The following CAND1 variants were observed in gnomAD, a reference collection of about 807,000 sequenced individuals.
The protein encoded by CAND1 is cullin-associated NEDD8-dissociated protein 1.
CAND1 carries 7 observed loss-of-function variants against 108.5 expected under a neutral mutation model. That is an observed-to-expected ratio of 0.06 (90% CI 0.04 to 0.12). CAND1 has a LOEUF of 0.12. Among genes scored for constraint, CAND1 ranks in the 10% least tolerant of loss-of-function variants. CAND1 has a pLI of 1.00. For synonymous variants in CAND1, 534 were observed against 512.0 expected, an observed-to-expected ratio of 1.04 and a Z score of -0.58; for missense variants, 941 against 1,448.7, an observed-to-expected ratio of 0.65 and a Z score of 5.69.
At chr12:67,281,421 T>C (rs886198139) in intron 1 of CAND1, among the ~76,000 whole-genome samples, 1 of 152,186 alleles carries the variant, frequency 6.6e-6, no homozygotes, top group Non-Finnish European at 1.5e-5. Context: ...TCCCCTGCAA[T>C]GCAACGTACT....
At position 67,316,968 on chromosome 12, in the gene CAND1, G is replaced by C; in HGVS notation, c.*4138G>C. 1 of 152,162 alleles carries C rather than the reference G, an allele frequency of 6.6e-6. No individual in the cohort carries two copies. Among genetic ancestry groups the C allele is most frequent in the Non-Finnish European group, 1.5e-5 (1 of 68,058 alleles). The allele number at this position is 152,162 out of a possible 1,614,324, so 9.4% of individuals were successfully genotyped here. A position where few individuals can be genotyped will look rare whatever the true frequency, so the allele number is the denominator to read the frequency against. On this transcript the variant is annotated 3_prime_UTR_variant, in exon 15 of 15. Coordinates refer to ENST00000545606, the MANE Select transcript of CAND1 (RefSeq NM_018448.5). ...TTGGAGACCAGCTCTAGGCAACATA[G>C]TGAGACCCTGTCTCTACCAAAAAGA...
chr12:67,302,680 A>G (rs1222311753), intron 8 of CAND1, 65 bp downstream of exon 8: 4 of 1,434,806 alleles, frequency 2.8e-6, no homozygotes, highest in Admixed American at 3.9e-5. Context: ...AATTGTCTTT[A>G]TATGGAAAGG....
intron 1 of CAND1, chr12:67,270,048 A>C: frequency 2.1e-4 from 91 of 433,016 alleles, no homozygotes; most frequent in East Asian, 5.5e-4. Flanking sequence ...GCGCCCCCAC[A>C]TCCTTCCCTG....
At position 67,273,951 on chromosome 12, in the gene CAND1, C is replaced by T. The variant is rs1252409; in HGVS notation, c.68+4166C>T. ...TAGTAAAAGAGGATAATAATAATCTCGTTTACAGTTGAAGAAACTGAGATT... is the reference window on the plus strand; with the variant it reads ...TAGTAAAAGAGGATAATAATAATCTTGTTTACAGTTGAAGAAACTGAGATT... On this transcript the variant is annotated intron_variant, in intron 1 of 14. Transcript: ENST00000545606. Among the ~76,000 whole-genome samples, 1,032 of 152,152 alleles carry T rather than the reference C, an allele frequency of 6.8e-3. 7 individuals carry two copies. Among genetic ancestry groups the T allele is most frequent in the African/African-American group, 0.024 (976 of 41,468 alleles).
rs1040332498 is a variant in CAND1 at position 67,286,299 on chromosome 12, C to T, written c.212+4246C>T. Among the ~76,000 whole-genome samples, 15 of 152,266 alleles carry T rather than the reference C, an allele frequency of 9.9e-5. No individual in the cohort carries two copies. In the South Asian group the frequency reaches 2.5e-3, roughly 25 times the overall value. ...TGCTGGGATTACAGGCTTGAGCCAC[C>T]GCGCCCTGCCGTCTTTATTTTTCAC... On this transcript the variant is annotated intron_variant, in intron 2 of 14. Transcript: ENST00000545606.
intron 2 of CAND1, among the ~76,000 whole-genome samples, chr12:67,285,373 A>G (rs1470868855): frequency 1.3e-5 from 2 of 152,214 alleles, no homozygotes; most frequent in African/African-American, 4.8e-5. Context: ...TTTATGCTAA[A>G]CTAATTATAA....
intron 1 of CAND1, among the ~76,000 whole-genome samples, chr12:67,274,608 T>G (rs1364868607): frequency 6.6e-6 from 1 of 152,190 alleles, no homozygotes; most frequent in African/African-American, 2.4e-5. Context: ...TTCCATTATA[T>G]AGGGATTTTA....
chr12:67,289,016 A>G (rs1592610931), intron 2 of CAND1, among the ~76,000 whole-genome samples: 1 of 152,306 alleles, frequency 6.6e-6, no homozygotes, highest in African/African-American at 2.4e-5. Flanking sequence ...TGTTAGTAAT[A>G]TAGCCACTCC....
At chr12:67,304,574 G>T in intron 8 of CAND1, 31 bp from the exon 9 acceptor site, 1 of 1,606,120 alleles carries the variant, frequency 6.2e-7, no homozygotes, top group South Asian at 1.1e-5. Context: ...ACCAACAGCT[G>T]AACCAGCTAA....
At chr12:67,285,250 A>G (rs564131264) in intron 2 of CAND1, among the ~76,000 whole-genome samples, 51 of 152,302 alleles carry the variant, frequency 3.3e-4, no homozygotes, top group African/African-American at 1.2e-3. Context: ...ATGGGAGAAA[A>G]ATTTTAAAAT....
Position 67,314,203 on chromosome 12 carries a change from T to TGCTTACAAATATCTGAG in CAND1, c.*1373_*1374insGCTTACAAATATCTGAG, listed in dbSNP as rs1592629165. On this transcript the variant is annotated 3_prime_UTR_variant, in exon 15 of 15. Transcript: ENST00000545606. ...GCAGTTGTTAAATTGAGTGACCAAT[T>TGCTTACAAATATCTGAG]TAAGCAATCAGATATTTGAAAACTG... 3 of 152,290 alleles carry TGCTTACAAATATCTGAG rather than the reference T, an allele frequency of 2.0e-5. No homozygotes were observed. In the East Asian group the frequency reaches 5.8e-4, roughly 29 times the overall value. The allele number at this position is 152,290 out of a possible 1,614,324, so 9.4% of individuals were successfully genotyped here.
intron 1 of CAND1, among the ~76,000 whole-genome samples, chr12:67,275,529 G>GAA (rs139364600): frequency 1.5e-5 from 2 of 131,392 alleles, no homozygotes; most frequent in Non-Finnish European, 3.3e-5. Context: ...GTCTCAAAAA[G>GAA]AAAAAAAAAA....
chr12:67,276,269 T>C (rs1166900533), intron 1 of CAND1, among the ~76,000 whole-genome samples: 1 of 152,228 alleles, frequency 6.6e-6, no homozygotes, highest in Non-Finnish European at 1.5e-5. Flanking sequence ...CCCAACAGTC[T>C]CCCTAGTCTC....
At chr12:67,291,012 C>T (rs2044717264) in intron 2 of CAND1, among the ~76,000 whole-genome samples, 1 of 152,190 alleles carries the variant, frequency 6.6e-6, no homozygotes, top group Non-Finnish European at 1.5e-5. Context: ...TGTCCTGAAA[C>T]TGCCTCCCCT....
Position 67,305,622 on chromosome 12 carries a change from G to T in CAND1, c.1954G>T (p.Val652Phe), listed in dbSNP as rs1446989591. The T allele has an allele frequency of 2.5e-6, 4 of 1,614,004 alleles. No homozygotes were observed. The highest frequency in any genetic ancestry group is 2.7e-5 in the African/African-American group (2 of 74,898). ...IDLRPVLGEGVPILASFLRKN... is the reference protein window; with the variant it reads ...IDLRPVLGEGFPILASFLRKN... ...TTTGAGGCCTGTTCTGGGAGAAGGG[G>T]TTCCTATCCTTGCTTCATTTCTTAG... Residue 652 changes from valine (V) to phenylalanine (F), a missense_variant, in exon 10 of 15, where the codon GTT becomes TTT. This residue lies in a region of CAND1 where 697 missense variants were observed against 942.0 expected (regional missense o/e 0.74). Transcript: ENST00000545606. The surrounding 1 kb of genome is among the most constrained non-coding windows in gnomAD (Gnocchi z 4.4).
chr12:67,289,046 G>A (rs1465887260), intron 2 of CAND1, among the ~76,000 whole-genome samples: 1 of 152,108 alleles, frequency 6.6e-6, no homozygotes, highest in African/African-American at 2.4e-5. Context: ...CAAGATTGGT[G>A]TATGTGCATA....
Position 67,319,017 on chromosome 12 carries a change from G to A in CAND1, c.*6187G>A, listed in dbSNP as rs1457983094. On this transcript the variant is annotated 3_prime_UTR_variant, in exon 15 of 15. Coordinates refer to ENST00000545606, the MANE Select transcript of CAND1 (RefSeq NM_018448.5). ...CTGGGCCCTACACCCAGAGGCTGTG[G>A]TTCAGTAGGCTGTAGTAAACCAGTA... 2 of 152,242 alleles carry A rather than the reference G, an allele frequency of 1.3e-5. No individual in the cohort carries two copies. The highest frequency in any genetic ancestry group is 2.9e-5 in the Non-Finnish European group (2 of 68,044). 9.4% of individuals were successfully genotyped at this position (152,242 alleles called of 1,614,324 possible). A position where few individuals can be genotyped will look rare whatever the true frequency, so the allele number is the denominator to read the frequency against.
intron 11 of CAND1, among the ~76,000 whole-genome samples, chr12:67,309,393 G>A (rs1219063552): frequency 6.6e-6 from 1 of 151,916 alleles, no homozygotes; most frequent in Admixed American, 6.6e-5. Flanking sequence ...ATAAAGTAGG[G>A]CTTTTGGAGG....
chr12:67,294,833 T>A, intron 3 of CAND1, 200 bp from the exon 4 acceptor site: 1 of 365,626 alleles, frequency 2.7e-6, no homozygotes, highest in Non-Finnish European at 5.0e-6. Flanking sequence ...AGTTGTTAAA[T>A]ATTTGGTCTA....
Sources: gnomAD v4.1 joint callset for allele counts (sites outside exome capture counted in the v4.1 genomes callset) on GRCh38, gnomAD v4.1.1 for gene constraint, gnomAD v4.1.1 regional missense constraint, Gnocchi (gnomAD v3.1) non-coding constraint, MANE v1.5 for transcripts, NCBI Gene and HGNC (gene_info 2026-07-23, HGNC 2026-07-21) for gene names.